Variants in DNM3 observed in about 807,000 individuals in gnomAD.
The protein encoded by DNM3 is dynamin-3.
DNM3 carries 47 observed loss-of-function variants against 101.6 expected under a neutral mutation model. The observed-to-expected ratio is 0.46, with a 90% CI of 0.37 to 0.59. The LOEUF (loss-of-function observed/expected upper bound fraction) is 0.59. Among genes scored for constraint, DNM3 ranks in the 20% least tolerant of loss-of-function variants. The pLI, the probability that DNM3 is intolerant of heterozygous loss-of-function variation, is 0.00. For synonymous variants in DNM3, 385 were observed against 387.9 expected (o/e 0.99, Z 0.09); for missense variants, 849 against 1,085.7 (o/e 0.78, Z 3.06).
chr1:172,126,400 T>C (rs1310474696), intron 13 of DNM3, among the ~76,000 whole-genome samples: 1 of 152,202 alleles, frequency 6.6e-6, no homozygotes, highest in African/African-American at 2.4e-5. Flanking sequence ...AGTGATATAA[T>C]GTCATAGGGA....
intron 15 of DNM3, among the ~76,000 whole-genome samples, chr1:172,258,383 C>T (rs10797902): frequency 0.17 from 25,839 of 151,944 alleles, 2,458 homozygotes; most frequent in East Asian, 0.24. Flanking sequence ...ACATTCCCAC[C>T]AAGAGTGTAT....
intron 14 of DNM3, among the ~76,000 whole-genome samples, chr1:172,162,745 A>G (rs901172317): frequency 3.3e-5 from 5 of 152,102 alleles, no homozygotes; most frequent in African/African-American, 1.2e-4. Flanking sequence ...ATTAAAAAAT[A>G]TCAGATTTCC....
intron 10 of DNM3, among the ~76,000 whole-genome samples, chr1:172,052,381 A>G (rs984514748): frequency 6.6e-6 from 1 of 152,056 alleles, no homozygotes; most frequent in Admixed American, 6.6e-5. Context: ...TCAACATATA[A>G]ATATATCTAT....
At chr1:172,109,564 T>C (rs2055306396) in intron 13 of DNM3, among the ~76,000 whole-genome samples, 1 of 152,232 alleles carries the variant, frequency 6.6e-6, no homozygotes, top group South Asian at 2.1e-4. Context: ...ATGTCACTGA[T>C]TTCCGGTGCA....
intron 16 of DNM3, among the ~76,000 whole-genome samples, chr1:172,318,877 G>GA (rs1259779977): frequency 1.3e-5 from 2 of 152,098 alleles, no homozygotes; most frequent in Non-Finnish European, 2.9e-5. Flanking sequence ...CACAGACTTG[G>GA]AAAAAACTAC....
intron 14 of DNM3, among the ~76,000 whole-genome samples, chr1:172,242,215 T>C (rs1042405606): frequency 1.3e-5 from 2 of 152,068 alleles, no homozygotes; most frequent in African/African-American, 4.8e-5. Context: ...GCTGCTGGCG[T>C]TCTGGGGCAG....
chr1:172,090,673 C>T (rs1281702470), intron 12 of DNM3, among the ~76,000 whole-genome samples: 4 of 152,136 alleles, frequency 2.6e-5, no homozygotes, highest in Non-Finnish European at 5.9e-5. Context: ...CCTTTCACCA[C>T]CCACCCCCTG....
At chr1:172,149,908 G>A (rs1215767934) in intron 14 of DNM3, among the ~76,000 whole-genome samples, 2 of 152,120 alleles carry the variant, frequency 1.3e-5, no homozygotes, top group African/African-American at 2.4e-5. Context: ...AAGCATGTGT[G>A]TGAAGGGAAG....
rs563941747 is a variant in DNM3 at position 172,278,496 on chromosome 1, T to C, written c.1769+24814T>C. On this transcript the variant is annotated intron_variant, in intron 15 of 20. Coordinates refer to ENST00000627582, the MANE Select transcript of DNM3 (RefSeq NM_015569.5). ...TCATGTTGGACCACATCCAAAGCCA[T>C]CCTGGGCCTCATGCAGCCGTGGGCC... Among the ~76,000 whole-genome samples, 5 of 152,272 alleles carry C rather than the reference T, an allele frequency of 3.3e-5. No individual in the cohort carries two copies. The South Asian group carries it at 1.0e-3, about 32-fold the overall frequency.
At chr1:172,097,371 G>A (rs1017375796) in intron 13 of DNM3, among the ~76,000 whole-genome samples, 5 of 151,762 alleles carry the variant, frequency 3.3e-5, no homozygotes, top group African/African-American at 9.7e-5. Context: ...CTGCACTCCA[G>A]CCTGGGTGAC....
At chr1:172,306,620 C>A (rs1381939805) in intron 15 of DNM3, among the ~76,000 whole-genome samples, 1 of 152,192 alleles carries the variant, frequency 6.6e-6, no homozygotes, top group Non-Finnish European at 1.5e-5. Flanking sequence ...CACTACCTGA[C>A]TTCAAACTAT....
At chr1:172,160,789 A>G (rs916465040) in intron 14 of DNM3, among the ~76,000 whole-genome samples, 1 of 152,208 alleles carries the variant, frequency 6.6e-6, no homozygotes, top group African/African-American at 2.4e-5. Context: ...TATACTGTAT[A>G]TAATTGTATG....
chr1:172,302,307 C>T (rs911386293), intron 15 of DNM3, among the ~76,000 whole-genome samples: 9 of 152,228 alleles, frequency 5.9e-5, no homozygotes, highest in African/African-American at 2.2e-4. Context: ...AGGCAGCAGC[C>T]TAGCAGGGGG....
intron 4 of DNM3, among the ~76,000 whole-genome samples, chr1:171,994,442 T>C (rs1193895907): frequency 1.3e-5 from 2 of 152,174 alleles, no homozygotes; most frequent in Non-Finnish European, 1.5e-5. Context: ...ACCAAAGCTC[T>C]CAATGTGCAT....
intron 14 of DNM3, among the ~76,000 whole-genome samples, chr1:172,161,520 T>G (rs2058544026): frequency 6.6e-6 from 1 of 151,976 alleles, no homozygotes; most frequent in Non-Finnish European, 1.5e-5. Flanking sequence ...CCCCTTTGCT[T>G]GACATTGGTA....
intron 15 of DNM3, among the ~76,000 whole-genome samples, chr1:172,286,573 A>C (rs1168804432): frequency 6.6e-6 from 1 of 152,164 alleles, no homozygotes; most frequent in Admixed American, 6.6e-5. Context: ...AAATAAAATA[A>C]ATTCACATGG....
chr1:172,361,076 G>A (rs1180018010), intron 17 of DNM3, among the ~76,000 whole-genome samples: 1 of 152,030 alleles, frequency 6.6e-6, no homozygotes, highest in African/African-American at 2.4e-5. Flanking sequence ...GATGACTCTT[G>A]AGACTTATTG....
intron 17 of DNM3, among the ~76,000 whole-genome samples, chr1:172,334,276 A>G (rs116403223): frequency 6.6e-6 from 1 of 152,180 alleles, no homozygotes; most frequent in African/African-American, 2.4e-5. Context: ...CTGTCTATAT[A>G]TTGTTTCCAC....
intron 20 of DNM3, among the ~76,000 whole-genome samples, chr1:172,397,586 ACT>A (rs774001751): frequency 2.6e-5 from 4 of 152,154 alleles, no homozygotes; most frequent in Non-Finnish European, 5.9e-5. Flanking sequence ...TATTTCAAAC[ACT>A]CTAAATTACT....
Sources: allele counts gnomAD v4.1 joint callset (sites outside exome capture counted in the v4.1 genomes callset), GRCh38; gene constraint gnomAD v4.1.1; transcripts MANE v1.5; gene names NCBI Gene and HGNC (gene_info 2026-07-23, HGNC 2026-07-21).